CNTNAP5: variants seen among roughly 807,000 people sequenced by gnomAD.
CNTNAP5 encodes contactin-associated protein-like 5.
A neutral mutation model predicts 150.2 loss-of-function variants in CNTNAP5; 72 were observed. The observed-to-expected ratio is 0.48, with a 90% CI of 0.40 to 0.58. The LOEUF (loss-of-function observed/expected upper bound fraction) is 0.58. Among genes scored for constraint, CNTNAP5 ranks in the 20% least tolerant of loss-of-function variants. The pLI is 0.00. For synonymous variants in CNTNAP5, 672 were observed against 619.8 expected (o/e 1.08, Z -1.25); for missense variants, 1,636 against 1,626.2 (o/e 1.01, Z -0.10).
At chr2:124,400,438 C>G (rs969670224) in intron 3 of CNTNAP5, among the ~76,000 whole-genome samples, 2 of 152,168 alleles carry the variant, frequency 1.3e-5, no homozygotes, top group African/African-American at 2.4e-5. Flanking sequence ...GACTGGCAGC[C>G]TTTTCATCTT....
chr2:124,671,619 T>C (rs567328864), intron 13 of CNTNAP5, among the ~76,000 whole-genome samples: 1 of 152,244 alleles, frequency 6.6e-6, no homozygotes, highest in Admixed American at 6.5e-5. Context: ...ACTTTAATCT[T>C]AGAGACTCTT....
At chr2:124,905,015 A>AT in intron 22 of CNTNAP5, among the ~76,000 whole-genome samples, 1 of 149,600 alleles carries the variant, frequency 6.7e-6, no homozygotes, top group Non-Finnish European at 1.5e-5. Context: ...CAAAGCATAA[A>AT]AAGAATTAAT....
At chr2:124,145,848 A>G (rs1421464186) in intron 1 of CNTNAP5, among the ~76,000 whole-genome samples, 3 of 146,632 alleles carry the variant, frequency 2.0e-5, no homozygotes, top group Non-Finnish European at 3.0e-5. Context: ...AAAAAAAAAT[A>G]AAATATATTT....
intron 1 of CNTNAP5, among the ~76,000 whole-genome samples, chr2:124,209,810 C>T (rs564706838): frequency 2.0e-5 from 3 of 152,104 alleles, no homozygotes; most frequent in African/African-American, 7.2e-5. Context: ...ACACAAAAGA[C>T]CCCATAAAGG....
chr2:124,632,715 AAC>A (rs529617576), intron 12 of CNTNAP5, among the ~76,000 whole-genome samples: 47 of 152,266 alleles, frequency 3.1e-4, no homozygotes, highest in African/African-American at 1.1e-3. Context: ...TGAAAAAAAA[AAC>A]AATAAAATGT....
intron 3 of CNTNAP5, among the ~76,000 whole-genome samples, chr2:124,269,972 C>T (rs551012514): frequency 9.3e-4 from 141 of 152,174 alleles, no homozygotes; most frequent in Non-Finnish European, 1.7e-3. Context: ...GCTAGAGTAG[C>T]GAAAGCATAA....
intron 3 of CNTNAP5, among the ~76,000 whole-genome samples, chr2:124,297,921 T>C (rs1326119836): frequency 6.6e-6 from 1 of 151,522 alleles, no homozygotes; most frequent in Admixed American, 6.6e-5. Flanking sequence ...CTTGGCTCAC[T>C]GCAACCTCCG....
chr2:124,605,843 A>AAAG (rs1311856994), intron 11 of CNTNAP5, among the ~76,000 whole-genome samples: 4 of 150,620 alleles, frequency 2.7e-5, no homozygotes. Flanking sequence ...AGAAGGAAAG[A>AAAG]AAGAAAGAAA....
intron 1 of CNTNAP5, among the ~76,000 whole-genome samples, chr2:124,131,018 C>A (rs752280826): frequency 6.6e-6 from 1 of 151,850 alleles, no homozygotes; most frequent in African/African-American, 2.4e-5. Context: ...ATAGTAATAG[C>A]CATTTGTGGA....
chr2:124,865,531 T>C lies in CNTNAP5; in HGVS notation c.3348+95T>C. The C allele has an allele frequency of 2.6e-6, 3 of 1,148,390 alleles. 1 individual carries two copies. The East Asian group carries it at 7.8e-5, about 30-fold the overall frequency. The allele number at this position is 1,148,390 out of a possible 1,614,324, so 71.1% of individuals were successfully genotyped here. ...TACCCCATGCCAGTGTAGTGCCTAG[T>C]GCTGGAAACATAGTTACAAATCACA... is the stretch of plus-strand genomic sequence containing the variant. On this transcript the variant is annotated intron_variant, in intron 20 of 23. Transcript: ENST00000682447.
chr2:124,232,669 C>T (rs955403178), intron 2 of CNTNAP5, among the ~76,000 whole-genome samples: 10 of 152,210 alleles, frequency 6.6e-5, no homozygotes, highest in Middle Eastern at 3.4e-3. Flanking sequence ...TATTCATCTA[C>T]GCAATTGGTT....
intron 4 of CNTNAP5, among the ~76,000 whole-genome samples, chr2:124,421,682 C>G (rs953342229): frequency 1.3e-5 from 2 of 152,112 alleles, no homozygotes; most frequent in African/African-American, 4.8e-5. Flanking sequence ...ATAGCATTCC[C>G]CTTCTTGATT....
intron 16 of CNTNAP5, among the ~76,000 whole-genome samples, chr2:124,767,631 C>A (rs1681095478): frequency 6.6e-6 from 1 of 152,100 alleles, no homozygotes; most frequent in Non-Finnish European, 1.5e-5. Context: ...CTTATTTATG[C>A]AACATGGGGT....
intron 11 of CNTNAP5, among the ~76,000 whole-genome samples, chr2:124,599,726 T>TTTTTTG (rs1348617370): frequency 6.6e-6 from 1 of 152,114 alleles, no homozygotes; most frequent in South Asian, 2.1e-4. Flanking sequence ...CTCAGGGAGT[T>TTTTTTG]TTTTTGTTTT....
intron 13 of CNTNAP5, among the ~76,000 whole-genome samples, chr2:124,653,911 A>ACCCCCCCCCCCCC (rs70996088): frequency 1.9e-4 from 11 of 57,492 alleles, no homozygotes; most frequent in African/African-American, 2.6e-4. Context: ...ACTGCCCCCA[A>ACCCCCCCCCCCCC]CCCCCCCCCC....
intron 13 of CNTNAP5, among the ~76,000 whole-genome samples, chr2:124,663,605 A>G (rs981527270): frequency 3.9e-5 from 6 of 152,104 alleles, no homozygotes; most frequent in Non-Finnish European, 8.8e-5. Flanking sequence ...GCTAGGGAGA[A>G]AGAGAGAGAG....
At chr2:124,360,495 G>T (rs1230795058) in intron 3 of CNTNAP5, among the ~76,000 whole-genome samples, 38 of 139,206 alleles carry the variant, frequency 2.7e-4, no homozygotes, top group African/African-American at 3.7e-4. Flanking sequence ...CTCTTTTAGG[G>T]CAGGCCTGGT....
At chr2:124,588,209 TTTCTTTC>T (rs1558966137) in intron 11 of CNTNAP5, among the ~76,000 whole-genome samples, 2 of 148,028 alleles carry the variant, frequency 1.4e-5, no homozygotes, top group African/African-American at 5.0e-5. Flanking sequence ...TCTTTCTTTC[TTTCTTTC>T]TTTCTTTCTT....
At chr2:124,575,372 C>G (rs1279732816) in intron 11 of CNTNAP5, among the ~76,000 whole-genome samples, 1 of 152,214 alleles carries the variant, frequency 6.6e-6, no homozygotes, top group Non-Finnish European at 1.5e-5. Flanking sequence ...TCTCTATAAT[C>G]TTATTGAAGA....
Sources: allele counts gnomAD v4.1 joint callset (sites outside exome capture counted in the v4.1 genomes callset), GRCh38; gene constraint gnomAD v4.1.1; transcripts MANE v1.5; gene names NCBI Gene and HGNC (gene_info 2026-07-23, HGNC 2026-07-21).